Variants in NAALADL2 observed in about 807,000 individuals in gnomAD.
The protein encoded by NAALADL2 is N-acetylated alpha-linked acidic dipeptidase like 2.
A neutral mutation model predicts 87.2 loss-of-function variants in NAALADL2; 76 were observed. The ratio of observed to expected loss-of-function variants is 0.87; its 90% CI spans 0.72 to 1.05. The LOEUF (loss-of-function observed/expected upper bound fraction) is 1.05. NAALADL2 is among the 50% of genes least tolerant of loss of function. The pLI, the probability that NAALADL2 is intolerant of heterozygous loss-of-function variation, is 0.00. For synonymous variants in NAALADL2, 354 were observed against 331.0 expected (o/e 1.07, Z -0.75); for missense variants, 1,089 against 945.8 (o/e 1.15, Z -1.99).
chr3:175,216,883 G>A (rs1045840304), intron 2 of NAALADL2, among the ~76,000 whole-genome samples: 2 of 151,944 alleles, frequency 1.3e-5, no homozygotes, highest in African/African-American at 4.8e-5. Context: ...TGGCCAGGCT[G>A]GTCTCGAACT....
At chr3:175,026,064 G>A (rs1380092857) in intron 1 of NAALADL2, among the ~76,000 whole-genome samples, 1 of 151,998 alleles carries the variant, frequency 6.6e-6, no homozygotes, top group Non-Finnish European at 1.5e-5. Context: ...ACTTGCCTTG[G>A]CCTCCCAAAA....
At chr3:174,915,396 T>G (rs1734233452) in intron 1 of NAALADL2, among the ~76,000 whole-genome samples, 1 of 152,140 alleles carries the variant, frequency 6.6e-6, no homozygotes, top group African/African-American at 2.4e-5. Flanking sequence ...TGAACAGAGT[T>G]TGACAATGGA....
chr3:174,755,092 C>T (rs988219569), intron 3 of NAALADL2, among the ~76,000 whole-genome samples: 6 of 152,140 alleles, frequency 3.9e-5, no homozygotes, highest in Admixed American at 1.3e-4. Flanking sequence ...ATCATGGAGG[C>T]GGTTTCCCTC....
At chr3:175,191,707 T>C (rs73881439) in intron 2 of NAALADL2, among the ~76,000 whole-genome samples, 1,783 of 152,320 alleles carry the variant, frequency 0.012, 29 homozygotes, top group African/African-American at 0.041. Flanking sequence ...TTGGTTTTAT[T>C]TTATAGCAAG....
chr3:175,348,868 A>T (rs1763436047), intron 5 of NAALADL2, among the ~76,000 whole-genome samples: 2 of 152,144 alleles, frequency 1.3e-5, no homozygotes, highest in South Asian at 4.1e-4. Context: ...ACGTGTATCT[A>T]TTTTTAATTG....
At chr3:174,511,501 C>T (rs559355006) in intron 1 of NAALADL2, among the ~76,000 whole-genome samples, 13 of 151,726 alleles carry the variant, frequency 8.6e-5, no homozygotes, top group Non-Finnish European at 1.6e-4. Context: ...TTAGTGATTG[C>T]GTATTATTCA....
Position 175,190,993 on chromosome 3 carries a change from A to AG in NAALADL2, c.546-42938_546-42937insG, listed in dbSNP as rs1410349563. Among the ~76,000 whole-genome samples the AG allele has an allele frequency of 2.6e-5, 4 of 151,488 alleles. No homozygotes were observed. The East Asian group carries it at 5.8e-4, about 22-fold the overall frequency. On this transcript the variant is annotated intron_variant, in intron 2 of 13. Coordinates refer to ENST00000454872, the MANE Select transcript of NAALADL2 (RefSeq NM_207015.3). Reference sequence around the variant, plus strand: ...GGAGACTCCGTCTCAAAAAAAAAAAAAAAAAGAAAAAGAAAAGTAACCAAT... The same window carrying AG: ...GGAGACTCCGTCTCAAAAAAAAAAAAGAAAAAGAAAAAGAAAAGTAACCAAT...
chr3:175,592,249 A>T (rs1721590517), intron 10 of NAALADL2, among the ~76,000 whole-genome samples: 1 of 151,842 alleles, frequency 6.6e-6, no homozygotes, highest in Non-Finnish European at 1.5e-5. Flanking sequence ...ATTATTTTTG[A>T]AATCATCATT....
intron 10 of NAALADL2, among the ~76,000 whole-genome samples, chr3:175,619,057 C>T (rs774487184): frequency 5.9e-5 from 9 of 152,042 alleles, no homozygotes; most frequent in African/African-American, 7.2e-5. Flanking sequence ...GACAAAAAGG[C>T]GCCTCTGGAG....
intron 5 of NAALADL2, among the ~76,000 whole-genome samples, chr3:175,439,785 C>T (rs1324229254): frequency 6.0e-5 from 7 of 117,546 alleles, no homozygotes; most frequent in South Asian, 5.4e-4. Context: ...TCTGGATATT[C>T]GTACTTTGTT....
chr3:175,439,816 T>A (rs1719431294), intron 5 of NAALADL2, among the ~76,000 whole-genome samples: 1 of 151,578 alleles, frequency 6.6e-6, no homozygotes, highest in Non-Finnish European at 1.5e-5. Flanking sequence ...ATTGCAAAGA[T>A]TTTCTCCCAC....
chr3:175,686,751 T>C (rs1319474051), intron 11 of NAALADL2, among the ~76,000 whole-genome samples: 3 of 152,192 alleles, frequency 2.0e-5, no homozygotes, highest in Admixed American at 2.0e-4. Flanking sequence ...CATGAAAGTA[T>C]TAAATATCAT....
intron 5 of NAALADL2, among the ~76,000 whole-genome samples, chr3:175,395,973 T>C (rs1433302061): frequency 6.6e-6 from 1 of 152,170 alleles, no homozygotes; most frequent in East Asian, 1.9e-4. Context: ...GCAAGCATGG[T>C]TTTAATTTTC....
At chr3:174,634,378 G>A (rs1578382886) in intron 2 of NAALADL2, among the ~76,000 whole-genome samples, 1 of 152,118 alleles carries the variant, frequency 6.6e-6, no homozygotes, top group East Asian at 1.9e-4. Flanking sequence ...AGAGAGCAGA[G>A]TTATAGATCA....
chr3:175,142,972 A>T (rs542388035), intron 2 of NAALADL2, among the ~76,000 whole-genome samples: 117 of 152,092 alleles, frequency 7.7e-4, no homozygotes, highest in African/African-American at 2.6e-3. Context: ...TTTAAAATAT[A>T]TATTTAAATT....
intron 3 of NAALADL2, among the ~76,000 whole-genome samples, chr3:174,792,594 G>A (rs1419894792): frequency 6.6e-6 from 1 of 151,990 alleles, no homozygotes; most frequent in Admixed American, 6.6e-5. Flanking sequence ...TGACCCTTCT[G>A]GTATGGCAAT....
At chr3:175,690,706 G>A (rs1736930716) in intron 11 of NAALADL2, among the ~76,000 whole-genome samples, 1 of 152,028 alleles carries the variant, frequency 6.6e-6, no homozygotes, top group African/African-American at 2.4e-5. Context: ...TTAGAATTTA[G>A]AGGGAGGAGA....
intron 3 of NAALADL2, among the ~76,000 whole-genome samples, chr3:174,775,599 A>G (rs1715111491): frequency 9.2e-6 from 1 of 108,624 alleles, no homozygotes; most frequent in Non-Finnish European, 2.2e-5. Flanking sequence ...TAGTAAACCA[A>G]TGGCTTGTTA....
Position 175,467,161 on chromosome 3 carries a change from A to G in NAALADL2, c.1510A>G (p.Ile504Val), listed in dbSNP as rs761787925. 1.9e-6 allele frequency: 3 copies of G among 1,613,682 alleles called. No individual in the cohort carries two copies. Among genetic ancestry groups the G allele is most frequent in the African/African-American group, 1.3e-5 (1 of 74,942 alleles). The change falls in exon 8 of 14, where the codon ATT becomes GTT. Residue 504 changes from isoleucine (I) to valine (V), a missense_variant. Transcript: ENST00000454872. ...CSWGGTAFGN[I>V]GSYEWGEDFK... ...TTGGGGAGGAACAGCTTTTGGCAAT[A>G]TTGGCTCATATGAATGGGGAGAGGT...
Sources: allele counts gnomAD v4.1 joint callset (sites outside exome capture counted in the v4.1 genomes callset), GRCh38; gene constraint gnomAD v4.1.1; transcripts MANE v1.5; gene names NCBI Gene and HGNC (gene_info 2026-07-23, HGNC 2026-07-21).